Variants in RBFOX1 observed in about 807,000 individuals in gnomAD.
RBFOX1 encodes RNA binding fox-1 homolog 1, also known as RNA binding protein fox-1 homolog 1.
In RBFOX1, 8 loss-of-function variants were observed where a neutral mutation model predicts 57.7. That is an observed-to-expected ratio of 0.14 (90% CI 0.08 to 0.25). The LOEUF (loss-of-function observed/expected upper bound fraction) is 0.25. Ranked by LOEUF, RBFOX1 falls within the 10% of genes least tolerant of loss-of-function variation. The probability of loss-of-function intolerance (pLI) is 1.00; values close to 1 mark genes in which losing one functional copy is unlikely to be tolerated. For synonymous variants in RBFOX1, 326 were observed against 222.4 expected (o/e 1.47, Z -4.15); for missense variants, 611 against 548.5 (o/e 1.11, Z -1.14).
At chr16:6,641,934 C>T (rs2098494280) in intron 2 of RBFOX1, among the ~76,000 whole-genome samples, 1 of 152,034 alleles carries the variant, frequency 6.6e-6, no homozygotes, top group African/African-American at 2.4e-5. Context: ...AGCCTCTTCT[C>T]TTTTTTCCAT....
intron 1 of RBFOX1, among the ~76,000 whole-genome samples, chr16:6,064,220 G>A (rs1176826348): frequency 4.6e-5 from 7 of 152,166 alleles, no homozygotes; most frequent in South Asian, 2.1e-4. Context: ...TGACCTATAC[G>A]TTCTTTAAAA....
chr16:7,052,127 C>G (rs2050295896), intron 4 of RBFOX1, 29 bp downstream of exon 4: 2 of 1,586,040 alleles, frequency 1.3e-6, no homozygotes, highest in African/African-American at 1.4e-5. Context: ...AAAATGCTTC[C>G]TGATTCTCAT....
chr16:5,862,660 A>T (rs2057250991), intron 3 of RBFOX1, among the ~76,000 whole-genome samples: 2 of 152,084 alleles, frequency 1.3e-5, no homozygotes, highest in South Asian at 4.1e-4. Context: ...AAGTAATTAA[A>T]TCTCTTTGAT....
chr16:7,042,976 A>T (rs562187823), intron 3 of RBFOX1, among the ~76,000 whole-genome samples: 2 of 152,184 alleles, frequency 1.3e-5, no homozygotes, highest in South Asian at 2.1e-4. Context: ...TCCTAGCAGC[A>T]TAGTTAAAAT....
intron 2 of RBFOX1, among the ~76,000 whole-genome samples, chr16:6,390,322 A>C (rs1427459119): frequency 6.6e-6 from 1 of 152,094 alleles, no homozygotes; most frequent in African/African-American, 2.4e-5. Context: ...CCCACCCCCA[A>C]ATCCTGAACT....
intron 4 of RBFOX1, among the ~76,000 whole-genome samples, chr16:7,180,908 T>A (rs141509668): frequency 1.1e-3 from 172 of 152,360 alleles, no homozygotes; most frequent in African/African-American, 3.9e-3. Flanking sequence ...GAGGGTCAGA[T>A]AATAAATATT....
intron 3 of RBFOX1, among the ~76,000 whole-genome samples, chr16:6,827,534 T>A (rs1031322077): frequency 1.3e-5 from 2 of 152,158 alleles, no homozygotes; most frequent in African/African-American, 4.8e-5. Flanking sequence ...TGTGACCATG[T>A]CACTCCTCTG....
intron 2 of RBFOX1, among the ~76,000 whole-genome samples, chr16:6,487,762 T>C (rs1264900678): frequency 7.6e-6 from 1 of 132,138 alleles, no homozygotes; most frequent in Non-Finnish European, 1.6e-5. Context: ...TATAAAATAT[T>C]ATGCAGTGAT....
chr16:6,500,356 A>G (rs908580588), intron 2 of RBFOX1, among the ~76,000 whole-genome samples: 12 of 152,182 alleles, frequency 7.9e-5, no homozygotes, highest in Non-Finnish European at 1.3e-4. Context: ...ACGTGTGCAC[A>G]TACACACACA....
At chr16:6,853,545 A>T (rs1047908901) in intron 3 of RBFOX1, among the ~76,000 whole-genome samples, 11 of 152,084 alleles carry the variant, frequency 7.2e-5, no homozygotes, top group African/African-American at 2.4e-4. Context: ...TGCTTTCAGA[A>T]TTTGGGTTAT....
chr16:7,581,958 C>G (rs1260421035), intron 6 of RBFOX1, among the ~76,000 whole-genome samples: 2 of 151,994 alleles, frequency 1.3e-5, no homozygotes, highest in African/African-American at 2.4e-5. Context: ...CTCAAGCAAC[C>G]CTCCCGCCTT....
chr16:5,914,649 C>A (rs546773722), intron 4 of RBFOX1, among the ~76,000 whole-genome samples: 2 of 152,332 alleles, frequency 1.3e-5, no homozygotes, highest in East Asian at 3.9e-4. Context: ...GTAATCCCAG[C>A]ACTTTGGGAG....
At chr16:7,432,888 A>ACC (rs1270567857) in intron 4 of RBFOX1, among the ~76,000 whole-genome samples, 4 of 152,194 alleles carry the variant, frequency 2.6e-5, no homozygotes, top group Non-Finnish European at 5.9e-5. Context: ...CCATCATAAC[A>ACC]CAGAATCAAC....
intron 3 of RBFOX1, among the ~76,000 whole-genome samples, chr16:6,973,996 C>A (rs1406850546): frequency 1.3e-5 from 2 of 152,128 alleles, no homozygotes; most frequent in Non-Finnish European, 2.9e-5. Flanking sequence ...TCTCATTGTT[C>A]AGCTCTCACT....
intron 1 of RBFOX1, among the ~76,000 whole-genome samples, chr16:5,355,012 A>G (rs200965683): frequency 8.2e-5 from 2 of 24,320 alleles, no homozygotes; most frequent in African/African-American, 1.1e-4. Flanking sequence ...TGTATATGAG[A>G]GAGAGAGAGG....
At chr16:6,202,033 C>G (rs1353154607) in intron 1 of RBFOX1, among the ~76,000 whole-genome samples, 1 of 152,078 alleles carries the variant, frequency 6.6e-6, no homozygotes, top group Non-Finnish European at 1.5e-5. Flanking sequence ...GAATGCAAAC[C>G]AGCCCCTTCA....
At chr16:6,177,386 C>A (rs2097020646) in intron 1 of RBFOX1, among the ~76,000 whole-genome samples, 1 of 151,132 alleles carries the variant, frequency 6.6e-6, no homozygotes, top group African/African-American at 2.4e-5. Flanking sequence ...ATTCCCAGCC[C>A]TAGCTTTCAT....
At chr16:5,417,140 C>T (rs535591982) in intron 1 of RBFOX1, among the ~76,000 whole-genome samples, 34 of 152,292 alleles carry the variant, frequency 2.2e-4, no homozygotes, top group African/African-American at 7.0e-4. Context: ...GATGCATATG[C>T]CACCTGACAT....
At chr16:5,979,294 G>A (rs113735797) in intron 4 of RBFOX1, among the ~76,000 whole-genome samples, 3 of 152,294 alleles carry the variant, frequency 2.0e-5, no homozygotes, top group African/African-American at 7.2e-5. Context: ...TTGCAGTGAT[G>A]TGAAATGTAT....
Sources: allele counts gnomAD v4.1 joint callset (sites outside exome capture counted in the v4.1 genomes callset), GRCh38; gene constraint gnomAD v4.1.1; transcripts MANE v1.5; gene names NCBI Gene and HGNC (gene_info 2026-07-23, HGNC 2026-07-21).